Variants in TUSC3 observed in about 807,000 individuals in gnomAD.
The protein encoded by TUSC3 is tumor suppressor candidate 3.
Under a neutral mutation model 44.8 loss-of-function variants are expected in TUSC3, and 45 were observed. The observed-to-expected ratio is 1.00, with a 90% CI of 0.79 to 1.29. The LOEUF (loss-of-function observed/expected upper bound fraction) is 1.29. TUSC3 is among the 50% of genes most tolerant of loss of function. The pLI is 0.00. For synonymous variants in TUSC3, 212 were observed against 152.9 expected, an observed-to-expected ratio of 1.39 and a Z score of -2.85; for missense variants, 519 against 437.9, an observed-to-expected ratio of 1.19 and a Z score of -1.65.
intron 7 of TUSC3, among the ~76,000 whole-genome samples, chr8:15,734,446 GA>G (rs886998871): frequency 6.6e-6 from 1 of 151,836 alleles, no homozygotes; most frequent in Non-Finnish European, 1.5e-5. Flanking sequence ...AAAACTATAT[GA>G]AAAAATAAGA....
intron 2 of TUSC3, among the ~76,000 whole-genome samples, chr8:15,531,283 C>G (rs1042707331): frequency 6.6e-6 from 1 of 152,164 alleles, no homozygotes; most frequent in African/African-American, 2.4e-5. Context: ...TATTTAGAGA[C>G]ACAGTCTTGC....
chr8:15,513,014 G>A (rs939172258), intron 2 of TUSC3, among the ~76,000 whole-genome samples: 2 of 141,884 alleles, frequency 1.4e-5, no homozygotes, highest in Admixed American at 7.2e-5. Flanking sequence ...TTTTTTCCCA[G>A]ATTGCATGCT....
intron 2 of TUSC3, among the ~76,000 whole-genome samples, chr8:15,645,321 A>G (rs1208816657): frequency 6.6e-6 from 1 of 152,156 alleles, no homozygotes; most frequent in Non-Finnish European, 1.5e-5. Context: ...TACACATTCC[A>G]GACAGGGTAG....
chr8:15,626,699 G>C (rs1449294275), intron 2 of TUSC3, among the ~76,000 whole-genome samples: 1 of 152,188 alleles, frequency 6.6e-6, no homozygotes, highest in Non-Finnish European at 1.5e-5. Flanking sequence ...TCCAGTCTTG[G>C]AGCAAGGATT....
chr8:15,785,454 CT>C, the TUSC3 span, among the ~76,000 whole-genome samples: 9,877 of 143,710 alleles, frequency 0.069, 321 homozygotes, highest in East Asian at 0.093. Context: ...TTTTTCATTC[CT>C]TTTTTTTTTT....
intron 1 of TUSC3, among the ~76,000 whole-genome samples, chr8:15,460,797 C>T (rs532480478): frequency 2.0e-5 from 3 of 152,142 alleles, no homozygotes; most frequent in East Asian, 1.9e-4. Context: ...TCGTTTCCCC[C>T]ACTTTGTTTT....
At chr8:15,547,912 A>C (rs1372266308) in intron 1 of TUSC3, among the ~76,000 whole-genome samples, 1 of 151,740 alleles carries the variant, frequency 6.6e-6, no homozygotes, top group Non-Finnish European at 1.5e-5. Context: ...ACATTTTCAT[A>C]ATAATAAATA....
chr8:15,800,375 C>T, the TUSC3 span, among the ~76,000 whole-genome samples: 2 of 152,020 alleles, frequency 1.3e-5, no homozygotes, highest in African/African-American at 4.8e-5. Context: ...GAGTTTGAGA[C>T]CAGCCTGCGC....
chr8:15,828,070 C>T, the TUSC3 span, among the ~76,000 whole-genome samples: 1 of 150,684 alleles, frequency 6.6e-6, no homozygotes, highest in African/African-American at 2.4e-5. Context: ...TCTTGGCTCA[C>T]TGCAACCTCC....
intron 2 of TUSC3, among the ~76,000 whole-genome samples, chr8:15,488,056 A>C (rs957642154): frequency 1.3e-5 from 2 of 152,122 alleles, no homozygotes; most frequent in African/African-American, 4.8e-5. Flanking sequence ...TTCATTATCT[A>C]TAAAATGATA....
the TUSC3 span, among the ~76,000 whole-genome samples, chr8:15,789,839 G>A: frequency 6.6e-6 from 1 of 152,096 alleles, no homozygotes; most frequent in Non-Finnish European, 1.5e-5. Context: ...AAAACGGTAC[G>A]GAAAGAAGAC....
At chr8:15,753,717 T>A (rs1370790433) in intron 9 of TUSC3, among the ~76,000 whole-genome samples, 1 of 152,090 alleles carries the variant, frequency 6.6e-6, no homozygotes, top group Non-Finnish European at 1.5e-5. Context: ...TGATGATAAC[T>A]GCCTGACAAA....
At chr8:15,530,444 G>T (rs934742691) in intron 2 of TUSC3, among the ~76,000 whole-genome samples, 1 of 152,086 alleles carries the variant, frequency 6.6e-6, no homozygotes, top group South Asian at 2.1e-4. Flanking sequence ...TAAAGACTTC[G>T]CATGTATTCA....
chr8:15,805,890 C>A, the TUSC3 span, among the ~76,000 whole-genome samples: 1 of 152,002 alleles, frequency 6.6e-6, no homozygotes, highest in Non-Finnish European at 1.5e-5. Flanking sequence ...AGAATTAGTA[C>A]CACCTGGTAC....
chr8:15,618,078 A>C (rs1260482040), intron 1 of TUSC3, among the ~76,000 whole-genome samples: 2 of 152,198 alleles, frequency 1.3e-5, no homozygotes, highest in Non-Finnish European at 2.9e-5. Flanking sequence ...AAGGTAAAAA[A>C]AATGGTCCAC....
At chr8:15,680,251 T>A (rs1808366270) in intron 6 of TUSC3, among the ~76,000 whole-genome samples, 1 of 152,110 alleles carries the variant, frequency 6.6e-6, no homozygotes, top group African/African-American at 2.4e-5. Flanking sequence ...GTGTCATCTA[T>A]GATTTATTTC....
chr8:15,623,056 G>A (rs1470895477), intron 1 of TUSC3, 24 bp from the exon 2 acceptor site: 4 of 1,611,746 alleles, frequency 2.5e-6, no homozygotes, highest in South Asian at 2.2e-5. Flanking sequence ...CTTTGTAAAT[G>A]TTAATTTCTG....
intron 7 of TUSC3, among the ~76,000 whole-genome samples, chr8:15,738,375 C>T (rs1224214322): frequency 6.6e-6 from 1 of 152,106 alleles, no homozygotes; most frequent in South Asian, 2.1e-4. Context: ...GTTTTTTTGA[C>T]ATCACCTTAA....
At chr8:15,754,654 G>A (rs1039475610) in intron 9 of TUSC3, among the ~76,000 whole-genome samples, 6 of 152,086 alleles carry the variant, frequency 3.9e-5, no homozygotes, top group African/African-American at 1.4e-4. Context: ...TTGCTTGGGT[G>A]TTATGCCTCC....
Sources: gnomAD v4.1 joint callset for allele counts (sites outside exome capture counted in the v4.1 genomes callset) on GRCh38, gnomAD v4.1.1 for gene constraint, MANE v1.5 for transcripts, NCBI Gene and HGNC (gene_info 2026-07-23, HGNC 2026-07-21) for gene names.